ELMO1: variants seen among roughly 807,000 people sequenced by gnomAD.
The protein encoded by ELMO1 is engulfment and cell motility protein 1.
In ELMO1, 26 loss-of-function variants were observed where a neutral mutation model predicts 98.9. The ratio of observed to expected loss-of-function variants is 0.26; its 90% confidence interval spans 0.19 to 0.36. The LOEUF (loss-of-function observed/expected upper bound fraction) is 0.36. Ranked by LOEUF, ELMO1 falls within the 10% of genes least tolerant of loss-of-function variation. The pLI is 1.00. For synonymous variants in ELMO1, 346 were observed against 346.0 expected, an observed-to-expected ratio of 1.00 and a Z score of 0.00; for missense variants, 627 against 935.2, an observed-to-expected ratio of 0.67 and a Z score of 4.30.
intron 13 of ELMO1, among the ~76,000 whole-genome samples, chr7:37,199,692 C>T (rs1376898799): frequency 6.6e-6 from 1 of 152,134 alleles, no homozygotes; most frequent in Non-Finnish European, 1.5e-5. Flanking sequence ...AAACATGGGC[C>T]AACTCTTCAC....
intron 14 of ELMO1, among the ~76,000 whole-genome samples, chr7:37,106,008 A>G (rs1471393679): frequency 6.6e-6 from 1 of 152,228 alleles, no homozygotes; most frequent in Non-Finnish European, 1.5e-5. Context: ...TTACTTTAAA[A>G]TGGTTAATTT....
chr7:36,954,163 G>T (rs925873693), intron 16 of ELMO1, among the ~76,000 whole-genome samples: 12 of 152,180 alleles, frequency 7.9e-5, no homozygotes, highest in Middle Eastern at 3.4e-3. Context: ...CACACAGCAG[G>T]ATCTCACAGA....
At chr7:37,056,194 G>A (rs1341691486) in intron 15 of ELMO1, among the ~76,000 whole-genome samples, 1 of 152,168 alleles carries the variant, frequency 6.6e-6, no homozygotes. Context: ...ATTGACTATA[G>A]ATCCCTAGCC....
chr7:36,931,550 G>A (rs530944271), intron 16 of ELMO1, among the ~76,000 whole-genome samples: 35 of 152,272 alleles, frequency 2.3e-4, no homozygotes, highest in African/African-American at 7.2e-4. Context: ...GCAGTGAGCC[G>A]AGATTGCATC....
At chr7:36,903,057 G>T (rs1019595046) in intron 16 of ELMO1, among the ~76,000 whole-genome samples, 3 of 152,200 alleles carry the variant, frequency 2.0e-5, no homozygotes, top group Non-Finnish European at 2.9e-5. Flanking sequence ...CCTCTTGGGT[G>T]AAGGCCAGCC....
chr7:37,041,793 T>C (rs1314394067), intron 15 of ELMO1, among the ~76,000 whole-genome samples: 1 of 152,146 alleles, frequency 6.6e-6, no homozygotes, highest in African/African-American at 2.4e-5. Context: ...CCAGGAACAC[T>C]GGCTGTGAGC....
chr7:37,327,565 G>T (rs1418294121), intron 2 of ELMO1, among the ~76,000 whole-genome samples: 1 of 152,122 alleles, frequency 6.6e-6, no homozygotes, highest in African/African-American at 2.4e-5. Context: ...AGGAACAAGT[G>T]ACCAAAAAAG....
intron 16 of ELMO1, among the ~76,000 whole-genome samples, chr7:36,953,852 TG>T (rs1316209415): frequency 6.7e-5 from 3 of 44,546 alleles, no homozygotes; most frequent in African/African-American, 1.7e-4. Flanking sequence ...TGTGTGTGTG[TG>T]TGTGTGTGTG....
At chr7:37,094,719 A>G (rs967695453) in intron 15 of ELMO1, among the ~76,000 whole-genome samples, 1 of 152,176 alleles carries the variant, frequency 6.6e-6, no homozygotes. Flanking sequence ...CACTGAGATC[A>G]CTGCAATTTC....
At chr7:37,246,533 A>G (rs185166644) in intron 6 of ELMO1, among the ~76,000 whole-genome samples, 1 of 152,268 alleles carries the variant, frequency 6.6e-6, no homozygotes, top group Admixed American at 6.5e-5. Context: ...AAAAATCACA[A>G]CCATCTGTTA....
intron 16 of ELMO1, among the ~76,000 whole-genome samples, chr7:36,958,574 C>T (rs1260135753): frequency 6.6e-6 from 1 of 152,176 alleles, no homozygotes; most frequent in Non-Finnish European, 1.5e-5. Flanking sequence ...TGAATCTGCT[C>T]TCACTGGGGA....
intron 2 of ELMO1, among the ~76,000 whole-genome samples, chr7:37,324,905 C>T (rs918282308): frequency 1.3e-5 from 2 of 152,196 alleles, no homozygotes; most frequent in African/African-American, 4.8e-5. Flanking sequence ...CTTCCAGGGA[C>T]GGCTTCTGCA....
intron 15 of ELMO1, among the ~76,000 whole-genome samples, chr7:37,093,433 T>C (rs1784221703): frequency 6.6e-6 from 1 of 152,224 alleles, no homozygotes; most frequent in South Asian, 2.1e-4. Flanking sequence ...CACTTGCTTA[T>C]AGAACTAAAG....
intron 4 of ELMO1, among the ~76,000 whole-genome samples, chr7:37,301,329 A>T (rs1056602096): frequency 2.4e-3 from 8 of 3,334 alleles, no homozygotes; most frequent in South Asian, 0.017. Context: ...ATGAGAATAT[A>T]TCAGAAAAAA....
intron 1 of ELMO1, among the ~76,000 whole-genome samples, chr7:37,382,829 G>T (rs890097729): frequency 2.0e-5 from 3 of 151,326 alleles, no homozygotes; most frequent in Non-Finnish European, 4.4e-5. Context: ...TTTCTCCCAG[G>T]TGTATGCATG....
At chr7:36,898,359 T>C (rs1368444089) in intron 16 of ELMO1, among the ~76,000 whole-genome samples, 8 of 152,222 alleles carry the variant, frequency 5.3e-5, no homozygotes, top group Non-Finnish European at 1.2e-4. Flanking sequence ...AAGCACGCTC[T>C]TAGAATCTGC....
intron 16 of ELMO1, among the ~76,000 whole-genome samples, chr7:36,963,058 G>C (rs184556819): frequency 6.6e-6 from 1 of 152,316 alleles, no homozygotes; most frequent in Admixed American, 6.5e-5. Flanking sequence ...AATCCTGATA[G>C]AGTTACACTT....
intron 4 of ELMO1, among the ~76,000 whole-genome samples, chr7:37,296,528 T>A (rs555132106): frequency 2.8e-4 from 42 of 152,218 alleles, no homozygotes; most frequent in Admixed American, 3.3e-4. Flanking sequence ...CTCGTTGCCA[T>A]ACGCTGTGAC....
chr7:36,919,194 ACT>A (rs1242086568), intron 16 of ELMO1, among the ~76,000 whole-genome samples: 4 of 152,150 alleles, frequency 2.6e-5, no homozygotes, highest in African/African-American at 9.7e-5. Flanking sequence ...AGAGAATGTA[ACT>A]CTGTTGAATG....
Sources: allele counts gnomAD v4.1 joint callset (sites outside exome capture counted in the v4.1 genomes callset), GRCh38; gene constraint gnomAD v4.1.1; transcripts MANE v1.5; gene names NCBI Gene and HGNC (gene_info 2026-07-23, HGNC 2026-07-21).